Variants in ATF7IP observed in about 807,000 individuals in gnomAD.
The protein encoded by ATF7IP is activating transcription factor 7-interacting protein 1.
A neutral mutation model predicts 106.4 loss-of-function variants in ATF7IP; 23 were observed. The ratio of observed to expected loss-of-function variants is 0.22; its 90% CI spans 0.16 to 0.31. The LOEUF (loss-of-function observed/expected upper bound fraction) is 0.31. ATF7IP is among the 10% of genes least tolerant of loss of function. ATF7IP has a pLI of 1.00. For missense variants in ATF7IP, 1,334 were observed against 1,524.3 expected (o/e 0.88, Z 2.08); for synonymous variants, 542 against 539.0 (o/e 1.01, Z -0.08).
chr12:14,416,893 T>C (rs1213272862), intron 1 of ATF7IP: 1 of 984,732 alleles, frequency 1.0e-6, no homozygotes, highest in African/African-American at 1.7e-5. Context: ...TGATATATTT[T>C]TCCTGTGGGG....
chr12:14,444,895 T>C (rs1050908971), intron 5 of ATF7IP, among the ~76,000 whole-genome samples: 2 of 151,950 alleles, frequency 1.3e-5, no homozygotes, highest in Non-Finnish European at 2.9e-5. Context: ...TCTTTTTCTA[T>C]ACATGTGACA....
At chr12:14,429,074 T>C (rs1321783024) in intron 2 of ATF7IP, among the ~76,000 whole-genome samples, 1 of 152,220 alleles carries the variant, frequency 6.6e-6, no homozygotes, top group East Asian at 1.9e-4. Context: ...TCCTTTCTTT[T>C]AGTGCCATTC....
At chr12:14,451,024 C>G (rs1442241670) in intron 6 of ATF7IP, among the ~76,000 whole-genome samples, 1 of 151,978 alleles carries the variant, frequency 6.6e-6, no homozygotes, top group Non-Finnish European at 1.5e-5. Context: ...AGCCACCGCA[C>G]CTGGCCTTAG....
intron 13 of ATF7IP, among the ~76,000 whole-genome samples, chr12:14,494,284 A>AATATATATATATAT (rs747194414): frequency 6.9e-4 from 37 of 53,788 alleles, no homozygotes; most frequent in East Asian, 1.9e-3. Flanking sequence ...GAGCTAATAG[A>AATATATATATATAT]ATATATATAT....
At chr12:14,452,047 T>G (rs547114050) in intron 6 of ATF7IP, among the ~76,000 whole-genome samples, 37 of 151,424 alleles carry the variant, frequency 2.4e-4, no homozygotes, top group Admixed American at 1.6e-3. Flanking sequence ...GATGTAGGGG[T>G]GTGTGTGTGT....
intron 1 of ATF7IP, among the ~76,000 whole-genome samples, chr12:14,402,529 A>T (rs1940300837): frequency 6.6e-6 from 1 of 151,272 alleles, no homozygotes; most frequent in Non-Finnish European, 1.5e-5. Context: ...TTTTACATTG[A>T]GTCTTAGCTC....
rs1490235482 is a variant in ATF7IP, at chr12:14,501,200, C to G, written c.*3127C>G. On this transcript the variant is annotated 3_prime_UTR_variant, in exon 15 of 15. Transcript: ENST00000261168. ...CACTCCACGGTTACCTTTTTAGTTTCATAGTATCTTTTCACAAAGTATTAC... is the reference window on the plus strand; with the variant it reads ...CACTCCACGGTTACCTTTTTAGTTTGATAGTATCTTTTCACAAAGTATTAC... 1 of 152,140 alleles carries G rather than the reference C, an allele frequency of 6.6e-6. No individual in the cohort carries two copies. Among genetic ancestry groups the G allele is most frequent in the Non-Finnish European group, 1.5e-5 (1 of 68,012 alleles). 9.4% of individuals were successfully genotyped at this position (152,140 alleles called of 1,614,324 possible). A position where few individuals can be genotyped will look rare whatever the true frequency, so the allele number is the denominator to read the frequency against.
At chr12:14,431,464 G>T (rs764044518) in intron 2 of ATF7IP, among the ~76,000 whole-genome samples, 4 of 150,676 alleles carry the variant, frequency 2.7e-5, no homozygotes, top group Non-Finnish European at 5.9e-5. Context: ...GTGCGATATC[G>T]GCTCACTGCA....
intron 1 of ATF7IP, among the ~76,000 whole-genome samples, chr12:14,369,695 TAAA>T (rs1175095829): frequency 2.0e-5 from 3 of 152,066 alleles, no homozygotes; most frequent in Non-Finnish European, 4.4e-5. Flanking sequence ...TTAATAAACT[TAAA>T]AAATACTTTT....
At chr12:14,476,130 C>G in intron 11 of ATF7IP, 162 bp downstream of exon 11, 1 of 594,180 alleles carries the variant, frequency 1.7e-6, no homozygotes, top group South Asian at 2.0e-5. Flanking sequence ...AAAATTTGGC[C>G]AGGTGCAGTG....
intron 2 of ATF7IP, among the ~76,000 whole-genome samples, chr12:14,426,250 A>G (rs1449011823): frequency 2.6e-5 from 4 of 152,148 alleles, no homozygotes; most frequent in South Asian, 2.1e-4. Context: ...GAAAAATTCT[A>G]CCTTCTTTTA....
chr12:14,373,911 A>G (rs1006101103), intron 1 of ATF7IP, among the ~76,000 whole-genome samples: 10 of 151,986 alleles, frequency 6.6e-5, no homozygotes, highest in Non-Finnish European at 1.5e-4. Flanking sequence ...TAGAATTTCA[A>G]ATTTTTAAAA....
chr12:14,480,788 G>A (rs1306010968), intron 12 of ATF7IP, among the ~76,000 whole-genome samples: 1 of 152,102 alleles, frequency 6.6e-6, no homozygotes, highest in African/African-American at 2.4e-5. Context: ...TGGATGTGGT[G>A]GAGATGTTCT....
intron 1 of ATF7IP, chr12:14,367,397 AT>A (rs1938352265): frequency 6.6e-6 from 1 of 152,076 alleles, no homozygotes; most frequent in Admixed American, 6.6e-5. Flanking sequence ...ATTTGACCTG[AT>A]GTAATTCTTG....
intron 1 of ATF7IP, among the ~76,000 whole-genome samples, chr12:14,402,127 CTTT>C (rs11297116): frequency 3.1e-4 from 32 of 101,830 alleles, no homozygotes; most frequent in East Asian, 2.7e-3. Flanking sequence ...TTTCTTCTTT[CTTT>C]TTTTTTTTTT....
chr12:14,387,886 G>A (rs971658090), intron 1 of ATF7IP, among the ~76,000 whole-genome samples: 14 of 152,138 alleles, frequency 9.2e-5, no homozygotes, highest in African/African-American at 3.4e-4. Context: ...ATCTGCATAA[G>A]CCTCTAAGAG....
chr12:14,449,156 G>A (rs1159074852), intron 6 of ATF7IP, among the ~76,000 whole-genome samples: 1 of 151,926 alleles, frequency 6.6e-6, no homozygotes, highest in African/African-American at 2.4e-5. Context: ...ATGCAGTTCT[G>A]TTTGTCTATT....
At chr12:14,373,672 G>C (rs996112423) in intron 1 of ATF7IP, among the ~76,000 whole-genome samples, 1 of 152,136 alleles carries the variant, frequency 6.6e-6, no homozygotes, top group African/African-American at 2.4e-5. Context: ...TAAGGAATTG[G>C]GAGAAGTGGT....
intron 14 of ATF7IP, 22 bp downstream of exon 14, chr12:14,496,365 T>TG (rs1945013383): frequency 6.5e-7 from 1 of 1,529,938 alleles, no homozygotes; most frequent in South Asian, 1.1e-5. Flanking sequence ...TGCTTGGTTT[T>TG]GCAAAATTCT....
Sources: gnomAD v4.1 joint callset for allele counts (sites outside exome capture counted in the v4.1 genomes callset) on GRCh38, gnomAD v4.1.1 for gene constraint, MANE v1.5 for transcripts, NCBI Gene and HGNC (gene_info 2026-07-23, HGNC 2026-07-21) for gene names.